STAT5B: variants seen among roughly 807,000 people sequenced by gnomAD.
The protein encoded by STAT5B is transcription factor STAT5B.
A neutral mutation model predicts 107.8 loss-of-function variants in STAT5B; 21 were observed. The ratio of observed to expected loss-of-function variants is 0.19; its 90% CI spans 0.14 to 0.28. STAT5B has a LOEUF of 0.28. Ranked by LOEUF, STAT5B falls within the 10% of genes least tolerant of loss-of-function variation. The pLI is 1.00. For synonymous variants in STAT5B, 325 were observed against 401.7 expected, an observed-to-expected ratio of 0.81 and a Z score of 2.28; for missense variants, 565 against 1,008.2, an observed-to-expected ratio of 0.56 and a Z score of 5.95.
In STAT5B at chr17:42,218,761, G is replaced by A. The variant is rs372624709; in HGVS notation, c.951C>T (p.Asn317=). The A allele has an allele frequency of 1.7e-5, 28 of 1,612,816 alleles. No homozygotes were observed. The highest frequency in any genetic ancestry group is 2.4e-5 in the Non-Finnish European group (28 of 1,179,402). ...GPVEEMLAEV[N]ATITDIISAL... ...CTGAGATAATGTCCGTGATGGTGGC[G>A]TTGACCTCGGCCAGCATCTCCTCCA... Residue 317 remains asparagine, a synonymous_variant, in exon 8 of 19, where the codon AAC becomes AAT. Coordinates refer to ENST00000293328, the MANE Select transcript of STAT5B (RefSeq NM_012448.4).
intron 3 of STAT5B, among the ~76,000 whole-genome samples, chr17:42,225,452 T>C (rs1025214110): frequency 6.6e-6 from 1 of 152,136 alleles, no homozygotes; most frequent in African/African-American, 2.4e-5. Flanking sequence ...TCAAAACTAC[T>C]ACCACCAATG....
chr17:42,211,506 C>T (rs1250386097), intron 13 of STAT5B, among the ~76,000 whole-genome samples: 1 of 140,800 alleles, frequency 7.1e-6, no homozygotes, highest in Non-Finnish European at 1.6e-5. Context: ...AACTCTGTCT[C>T]AAAAAAAAAA....
chr17:42,264,674 G>A (rs1477807425), intron 1 of STAT5B, among the ~76,000 whole-genome samples: 1 of 151,346 alleles, frequency 6.6e-6, no homozygotes, highest in Admixed American at 6.6e-5. Flanking sequence ...ACATACGTGT[G>A]CATGTGTCTT....
chr17:42,217,503 G>C, intron 9 of STAT5B, 39 bp from the exon 10 acceptor site: 1 of 1,610,062 alleles, frequency 6.2e-7, no homozygotes, highest in Non-Finnish European at 8.5e-7. Context: ...ACCCATGCCA[G>C]GGTCTCAGGA....
chr17:42,233,033 G>T (rs187681964), intron 1 of STAT5B, among the ~76,000 whole-genome samples: 188 of 151,820 alleles, frequency 1.2e-3, no homozygotes, highest in African/African-American at 4.3e-3. Context: ...GTAGAGATGG[G>T]GTTTCACCAT....
intron 5 of STAT5B, among the ~76,000 whole-genome samples, chr17:42,220,625 C>T (rs1053584718): frequency 8.5e-5 from 13 of 152,174 alleles, no homozygotes; most frequent in Admixed American, 3.3e-4. Flanking sequence ...CACGGACAGA[C>T]AGACAGACCG....
At position 42,212,194 on chromosome 17, in the gene STAT5B, A is replaced by C; in HGVS notation, c.1474-4T>G. On this transcript the variant is annotated splice_polypyrimidine_tract_variant and splice_region_variant and intron_variant, in intron 12 of 18. Coordinates refer to ENST00000293328, the MANE Select transcript of STAT5B (RefSeq NM_012448.4). ...GCACGGCAAATGGCACCCTGCCCTGAGAGGGAGAGAGGCCAGAATCTGATG... is the reference window on the plus strand; with the variant it reads ...GCACGGCAAATGGCACCCTGCCCTGCGAGGGAGAGAGGCCAGAATCTGATG... The C allele has an allele frequency of 6.2e-7, 1 of 1,614,180 alleles. No homozygotes were observed.
the STAT5B span, among the ~76,000 whole-genome samples, chr17:42,285,238 T>C: frequency 6.6e-6 from 1 of 151,984 alleles, no homozygotes; most frequent in African/African-American, 2.4e-5. Context: ...TACAGGTGCG[T>C]GACACCACGC....
intron 1 of STAT5B, among the ~76,000 whole-genome samples, chr17:42,268,285 C>A (rs1205419989): frequency 6.6e-6 from 1 of 152,116 alleles, no homozygotes; most frequent in Non-Finnish European, 1.5e-5. Flanking sequence ...CAAATACTTA[C>A]CCTTGTGTTA....
At chr17:42,285,074 A>AT in the STAT5B span, among the ~76,000 whole-genome samples, 3 of 151,306 alleles carry the variant, frequency 2.0e-5, no homozygotes, top group Admixed American at 6.6e-5. Flanking sequence ...TTTGGAGAAT[A>AT]TATTGCTTTT....
At chr17:42,216,487 T>G (rs1200737286) in intron 11 of STAT5B, among the ~76,000 whole-genome samples, 1 of 152,242 alleles carries the variant, frequency 6.6e-6, no homozygotes, top group Non-Finnish European at 1.5e-5. Flanking sequence ...TTTTGTAGTC[T>G]ACCTCTCCAG....
intron 1 of STAT5B, among the ~76,000 whole-genome samples, chr17:42,232,688 T>C (rs988098184): frequency 6.6e-6 from 1 of 152,206 alleles, no homozygotes; most frequent in African/African-American, 2.4e-5. Flanking sequence ...GCTCTGACTA[T>C]GAAATGTACT....
At chr17:42,233,953 A>G (rs1364194461) in intron 1 of STAT5B, 1 of 152,186 alleles carries the variant, frequency 6.6e-6, no homozygotes, top group Non-Finnish European at 1.5e-5. Flanking sequence ...CTGGGAAGGG[A>G]CTTCAGGTAA....
intron 13 of STAT5B, 106 bp from the exon 14 acceptor site, chr17:42,210,603 G>A: frequency 1.9e-6 from 2 of 1,043,782 alleles, no homozygotes; most frequent in South Asian, 2.6e-5. Flanking sequence ...ATCTACCCTT[G>A]TCAGAGGCAT....
At chr17:42,287,501 T>C in the STAT5B span, 1 of 152,580 alleles carries the variant, frequency 6.6e-6, no homozygotes, top group East Asian at 1.9e-4. Flanking sequence ...CCAAACCCCT[T>C]GGGCCTCGTG....
Position 42,217,818 on chromosome 17 carries a change from C to A in STAT5B, c.1169+333G>T, listed in dbSNP as rs536520085. Reference sequence around the variant, plus strand: ...CTCCCAGGTTCAAGGGATTCTCCTGCCTCAGGCTCTCTAGTGGCTGGGATT... The same window carrying A: ...CTCCCAGGTTCAAGGGATTCTCCTGACTCAGGCTCTCTAGTGGCTGGGATT... On this transcript the variant is annotated intron_variant, in intron 9 of 18. Coordinates refer to ENST00000293328, the MANE Select transcript of STAT5B (RefSeq NM_012448.4). 3.0e-5 allele frequency: 13 copies of A among 439,692 alleles called. No homozygotes were observed. In the East Asian group the frequency reaches 6.1e-4, roughly 21 times the overall value. 27.2% of individuals were successfully genotyped at this position (439,692 alleles called of 1,614,324 possible). A position where few individuals can be genotyped will look rare whatever the true frequency, so the allele number is the denominator to read the frequency against.
intron 1 of STAT5B, among the ~76,000 whole-genome samples, chr17:42,262,970 G>GTGTGTGTATA (rs2080626695): frequency 4.8e-5 from 1 of 20,946 alleles, no homozygotes; most frequent in Non-Finnish European, 8.3e-5. Flanking sequence ...GTGTGTGTGT[G>GTGTGTGTATA]TATATATATA....
the STAT5B span, among the ~76,000 whole-genome samples, chr17:42,286,037 T>C: frequency 6.6e-6 from 1 of 151,800 alleles, no homozygotes; most frequent in Non-Finnish European, 1.5e-5. Flanking sequence ...CTGACCAACA[T>C]GGAGAAACAC....
intron 11 of STAT5B, 44 bp from the exon 12 acceptor site, chr17:42,216,150 TTCTTCTCCTTCTC>T (rs2144237649): frequency 6.5e-7 from 1 of 1,527,972 alleles, no homozygotes; most frequent in South Asian, 1.2e-5. Flanking sequence ...GAGCCTCAAG[TTCTTCTCCTTCTC>T]TCTTTTTTTT....
Sources: allele counts gnomAD v4.1 joint callset (sites outside exome capture counted in the v4.1 genomes callset), GRCh38; gene constraint gnomAD v4.1.1; transcripts MANE v1.5; gene names NCBI Gene and HGNC (gene_info 2026-07-23, HGNC 2026-07-21).